Variants in EIF4G2 observed in about 807,000 individuals in gnomAD.
EIF4G2 encodes the protein DAP-5.
In EIF4G2, 8 loss-of-function variants were observed where a neutral mutation model predicts 117.7. The observed-to-expected ratio is 0.07, with a 90% CI of 0.04 to 0.12. The LOEUF is 0.12. EIF4G2 is among the 10% of genes least tolerant of loss of function. EIF4G2 has a pLI of 1.00. For missense variants in EIF4G2, 812 were observed against 1,086.2 expected, an observed-to-expected ratio of 0.75 and a Z score of 3.55; for synonymous variants, 413 against 367.8, an observed-to-expected ratio of 1.12 and a Z score of -1.41.
intron 1 of EIF4G2, chr11:10,808,278 TC>T: frequency 8.2e-7 from 1 of 1,215,364 alleles, no homozygotes; most frequent in East Asian, 8.4e-5. Flanking sequence ...CCTACACACC[TC>T]CCCGCCGGGA....
In EIF4G2 at chr11:10,801,358, TAC is replaced by T. The variant is rs1239639037; in HGVS notation, c.1414-273_1414-272del. ...TCAAATAAAAAACTGCAAATTTAAC[TAC>T]AGTTTAGAAAATGCCCTGTTTTATC... On this transcript the variant is annotated intron_variant, in intron 14 of 21. Transcript: ENST00000339995. The T allele has an allele frequency of 1.1e-5, 7 of 620,218 alleles. No homozygotes were observed. The East Asian group carries it at 1.5e-4, about 13-fold the overall frequency. 38.4% of individuals were successfully genotyped at this position (620,218 alleles called of 1,614,324 possible).
rs978232618 is a variant in EIF4G2 at position 10,797,424 on chromosome 11, G to A, written c.*392C>T. 1 of 166,460 alleles carries A rather than the reference G, an allele frequency of 6.0e-6. No homozygotes were observed. Among genetic ancestry groups the A allele is most frequent in the Non-Finnish European group, 1.3e-5 (1 of 77,050 alleles). 10.3% of individuals were successfully genotyped at this position (166,460 alleles called of 1,614,324 possible). A position where few individuals can be genotyped will look rare whatever the true frequency, so the allele number is the denominator to read the frequency against. ...ACAACCAAATGGATAATCAAATATTGCAACAACTCAAGTATTACTGAGCAA... is the reference window on the plus strand; with the variant it reads ...ACAACCAAATGGATAATCAAATATTACAACAACTCAAGTATTACTGAGCAA... On this transcript the variant is annotated 3_prime_UTR_variant, in exon 22 of 22. Coordinates refer to ENST00000339995, the MANE Select transcript of EIF4G2 (RefSeq NM_001418.4). This position sits in a 1 kb window ranked among gnomAD's most constrained non-coding sequence, Gnocchi z 4.5.
Position 10,803,654 on chromosome 11 carries a change from T to C in EIF4G2, c.703-64A>G. ...ACTCTGGTTTAGGCGTAGTACTTTC[T>C]TTCCCTTTATGTTTGCACTGACTCA... On this transcript the variant is annotated intron_variant, in intron 8 of 21. Transcript: ENST00000339995. This position sits in a 1 kb window ranked among gnomAD's most constrained non-coding sequence, Gnocchi z 4.0. 7.0e-7 allele frequency: 1 copy of C among 1,419,346 alleles called. No individual in the cohort carries two copies. Among genetic ancestry groups the C allele is most frequent in the Admixed American group, 1.7e-5 (1 of 58,702 alleles). The allele number at this position is 1,419,346 out of a possible 1,614,324, so 87.9% of individuals were successfully genotyped here. A position where few individuals can be genotyped will look rare whatever the true frequency, so the allele number is the denominator to read the frequency against.
chr11:10,802,105 T>C lies in EIF4G2; in HGVS notation c.1243A>G (p.Met415Val), dbSNP rs1847439632. The C allele has an allele frequency of 6.1e-6, 7 of 1,147,578 alleles. No homozygotes were observed. Among genetic ancestry groups the C allele is most frequent in the Non-Finnish European group, 7.7e-6 (7 of 914,898 alleles). 71.1% of individuals were successfully genotyped at this position (1,147,578 alleles called of 1,614,324 possible). Residue 415 changes from methionine to valine, a missense_variant, in exon 13 of 22, where the codon ATG (methionine) becomes GTG (valine). Transcript: ENST00000339995. ...CCAAACTGCGATTGTGTGGGAGGCA[T>C]GATGTGTCCCCCATGGCCATTGAAG... is the stretch of plus-strand genomic sequence containing the variant.
chr11:10,804,529 CCA>C (rs1847506235), intron 5 of EIF4G2, 111 bp from the exon 6 acceptor site: 5 of 1,361,784 alleles, frequency 3.7e-6, no homozygotes, highest in Non-Finnish European at 4.9e-6. Context: ...CCAAAAATGT[CCA>C]GTTATACAGA....
chr11:10,807,729 T>C (rs1045422298), intron 1 of EIF4G2: 34 of 991,724 alleles, frequency 3.4e-5, no homozygotes, highest in Non-Finnish European at 4.0e-5. Context: ...ATGTCTGCCC[T>C]AGGAATTTTT....
chr11:10,808,405 G>A, intron 1 of EIF4G2: 1 of 1,253,910 alleles, frequency 8.0e-7, no homozygotes. Flanking sequence ...CTCCCTCGCC[G>A]TCCGAGCACA....
At chr11:10,806,634 A>T in intron 3 of EIF4G2, 186 bp downstream of exon 3, 1 of 585,014 alleles carries the variant, frequency 1.7e-6, no homozygotes, top group South Asian at 2.5e-5. Context: ...TGAGAGTCTC[A>T]ACTCACTTAG....
At chr11:10,802,979 A>G (rs373362180) in intron 11 of EIF4G2, 51 bp downstream of exon 11, 28 of 1,551,430 alleles carry the variant, frequency 1.8e-5, no homozygotes, top group African/African-American at 1.8e-4. Flanking sequence ...AACCCATTCT[A>G]TTCTACACAC....
chr11:10,800,913 A>G lies in EIF4G2; in HGVS notation c.1539+49T>C, dbSNP rs1333862965. On this transcript the variant is annotated intron_variant, in intron 15 of 21. Transcript: ENST00000339995. ...GGGGAAGAACACACTAAATTTAGAA[A>G]AAAGTCTTCAGATATCTTTAGAAAA... is the stretch of plus-strand genomic sequence containing the variant. The G allele has an allele frequency of 5.0e-6, 8 of 1,611,796 alleles. No individual in the cohort carries two copies. The Admixed American group carries it at 1.3e-4, about 27-fold the overall frequency.
rs1847489581 is a variant in EIF4G2 at position 10,803,768 on chromosome 11, T to C, written c.702+131A>G. The C allele has an allele frequency of 7.8e-7, 1 of 1,279,328 alleles. No homozygotes were observed. The highest frequency in any genetic ancestry group is 2.1e-5 in the Admixed American group (1 of 46,734). 79.2% of individuals were successfully genotyped at this position (1,279,328 alleles called of 1,614,324 possible). On this transcript the variant is annotated intron_variant, in intron 8 of 21. Coordinates refer to ENST00000339995, the MANE Select transcript of EIF4G2 (RefSeq NM_001418.4). This position sits in a 1 kb window ranked among gnomAD's most constrained non-coding sequence, Gnocchi z 4.0. Reference sequence around the variant, plus strand: ...TACTTTGTCAAACACACCACGTATTTCAAATTATTCTGTTTAGTAAATTTT... The same window carrying C: ...TACTTTGTCAAACACACCACGTATTCCAAATTATTCTGTTTAGTAAATTTT...
Position 10,805,763 on chromosome 11 carries a change from A to G in EIF4G2, c.248+144T>C, listed in dbSNP as rs1380217944. The G allele has an allele frequency of 7.1e-6, 9 of 1,271,800 alleles. No homozygotes were observed. In the East Asian group the frequency reaches 1.9e-4, roughly 26 times the overall value. 78.8% of individuals were successfully genotyped at this position (1,271,800 alleles called of 1,614,324 possible). A position where few individuals can be genotyped will look rare whatever the true frequency, so the allele number is the denominator to read the frequency against. On this transcript the variant is annotated intron_variant, in intron 4 of 21. Coordinates refer to ENST00000339995, the MANE Select transcript of EIF4G2 (RefSeq NM_001418.4). Reference sequence around the variant, plus strand: ...CCACAGTGCCTGGCCAGTTCAAGATATTTTTAAAAATTGCTACCATGAGGA... The same window carrying G: ...CCACAGTGCCTGGCCAGTTCAAGATGTTTTTAAAAATTGCTACCATGAGGA...
At chr11:10,808,499 C>T (rs1847662292) in intron 1 of EIF4G2, 2 of 1,240,266 alleles carry the variant, frequency 1.6e-6, no homozygotes, top group Non-Finnish European at 2.1e-6. Flanking sequence ...CCAACACTGA[C>T]GTTTTCCTTC....
At chr11:10,806,758 A>C (rs935376094) in intron 3 of EIF4G2, 62 bp downstream of exon 3, 35 of 1,577,166 alleles carry the variant, frequency 2.2e-5, no homozygotes, top group Middle Eastern at 1.7e-4. Context: ...TTATACCGTC[A>C]CATGGGAAAG....
chr11:10,804,817 G>C, intron 5 of EIF4G2, 96 bp downstream of exon 5: 1 of 1,005,510 alleles, frequency 9.9e-7, no homozygotes, highest in South Asian at 1.4e-5. Flanking sequence ...TCACACCTAA[G>C]GGTTTTAAGT....
Position 10,799,345 on chromosome 11 carries a change from A to G in EIF4G2, c.2404T>C (p.Leu802=), listed in dbSNP as rs1001129628. ...AGTAGTAGTTGTTTTTCCTGCTCTAACTGTTCTTTGGAAGGAGCAGAGGAT... is the reference window on the plus strand; with the variant it reads ...AGTAGTAGTTGTTTTTCCTGCTCTAGCTGTTCTTTGGAAGGAGCAGAGGAT... Residue 802 remains leucine, a synonymous_variant, in exon 20 of 22, where the codon TTA becomes CTA. Transcript: ENST00000339995. 6.2e-7 allele frequency: 1 copy of G among 1,613,684 alleles called. No individual in the cohort carries two copies. Among genetic ancestry groups the G allele is most frequent in the Non-Finnish European group, 8.5e-7 (1 of 1,180,010 alleles).
intron 1 of EIF4G2, chr11:10,808,101 G>A (rs1186913306): frequency 1.7e-5 from 18 of 1,055,962 alleles, no homozygotes; most frequent in Non-Finnish European, 2.1e-5. Flanking sequence ...CAAGCAGGAA[G>A]GCGGCCTCCT....
At chr11:10,807,453 C>G (rs1590046211) in intron 1 of EIF4G2, 72 bp from the exon 2 acceptor site, 1 of 1,443,262 alleles carries the variant, frequency 6.9e-7, no homozygotes, top group East Asian at 2.5e-5. Flanking sequence ...TCAATTACAA[C>G]GTATTTCAGA....
intron 18 of EIF4G2, 106 bp from the exon 19 acceptor site, chr11:10,799,862 T>C (rs1004643169): frequency 3.0e-6 from 4 of 1,355,874 alleles, no homozygotes; most frequent in East Asian, 4.7e-5. Flanking sequence ...GTAAGATCCA[T>C]GTAGCAGAAT....
Sources: gnomAD v4.1 joint callset for allele counts on GRCh38, gnomAD v4.1.1 for gene constraint, Gnocchi (gnomAD v3.1) non-coding constraint, MANE v1.5 for transcripts, NCBI Gene and HGNC (gene_info 2026-07-23, HGNC 2026-07-21) for gene names.